Variants in GTF2F2 observed in about 807,000 individuals in gnomAD.
GTF2F2 encodes the protein ATP-dependent helicase GTF2F2.
Under a neutral mutation model 42.2 loss-of-function variants are expected in GTF2F2, and 23 were observed. The ratio of observed to expected loss-of-function variants is 0.55; its 90% confidence interval spans 0.39 to 0.77. The LOEUF is 0.77. GTF2F2 is among the 30% of genes least tolerant of loss of function. The pLI is 0.00. For synonymous variants in GTF2F2, 105 were observed against 100.8 expected (o/e 1.04, Z -0.25); for missense variants, 261 against 287.2 (o/e 0.91, Z 0.66).
At chr13:45,184,981 T>TTGTG (rs1300227535) in intron 4 of GTF2F2, among the ~76,000 whole-genome samples, 3 of 151,682 alleles carry the variant, frequency 2.0e-5, no homozygotes, top group South Asian at 4.2e-4. Context: ...CCAACTGTTT[T>TTGTG]TGTGTGTGTG....
rs917641006 is a variant in GTF2F2, at chr13:45,217,169, G to A, written c.386+9664G>A. 1.1e-4 allele frequency among the ~76,000 whole-genome samples: 16 copies of A among 151,916 alleles called. No homozygotes were observed. In the South Asian group the frequency reaches 1.2e-3, roughly 12 times the overall value. On this transcript the variant is annotated intron_variant, in intron 5 of 7. Coordinates refer to ENST00000340473, the MANE Select transcript of GTF2F2 (RefSeq NM_004128.3). ...GAAAAATTAGCTGGGCATGGTGGTG[G>A]CCACCTGTAATCCCAGCTACTCGGG...
chr13:45,264,334 T>C (rs903117358), intron 6 of GTF2F2, among the ~76,000 whole-genome samples: 4 of 151,874 alleles, frequency 2.6e-5, no homozygotes, highest in African/African-American at 9.7e-5. Context: ...GAGAGTGGAG[T>C]GTAGTGGCAC....
intron 4 of GTF2F2, among the ~76,000 whole-genome samples, chr13:45,190,183 G>A (rs1297788109): frequency 2.0e-5 from 3 of 152,116 alleles, no homozygotes; most frequent in Non-Finnish European, 4.4e-5. Context: ...AAAAAAGTGG[G>A]CAAAGGATAT....
intron 4 of GTF2F2, among the ~76,000 whole-genome samples, chr13:45,172,340 C>A (rs550924856): frequency 6.6e-6 from 1 of 152,264 alleles, no homozygotes; most frequent in Admixed American, 6.5e-5. Flanking sequence ...TTGTGTATCT[C>A]ATTTGGACAA....
chr13:45,155,491 G>A (rs1459792414), intron 4 of GTF2F2, among the ~76,000 whole-genome samples: 1 of 152,148 alleles, frequency 6.6e-6, no homozygotes, highest in Non-Finnish European at 1.5e-5. Flanking sequence ...GCTGGTTTTT[G>A]AGAGGTCTCC....
intron 1 of GTF2F2, chr13:45,123,460 T>C (rs1196853592): frequency 6.6e-6 from 1 of 152,032 alleles, no homozygotes; most frequent in African/African-American, 2.4e-5. Context: ...AAACCCTTTA[T>C]CTACAAAAAC....
intron 5 of GTF2F2, among the ~76,000 whole-genome samples, chr13:45,212,450 T>TCTTTCTTTCTTTTCTTTC (rs1272521765): frequency 3.5e-5 from 1 of 28,726 alleles, no homozygotes; most frequent in African/African-American, 1.7e-4. Flanking sequence ...CTTTCTTGTT[T>TCTTTCTTTCTTTTCTTTC]CTTTCTTTCT....
chr13:45,263,680 A>T (rs1876442761), intron 6 of GTF2F2: 1 of 152,228 alleles, frequency 6.6e-6, no homozygotes, highest in Non-Finnish European at 1.5e-5. Context: ...TAAGATTGAC[A>T]TATGCCTGTC....
At position 45,149,805 on chromosome 13, in the gene GTF2F2, G is replaced by A. The variant is rs563129984; in HGVS notation, c.159+17G>A. On this transcript the variant is annotated intron_variant, in intron 3 of 7. Transcript: ENST00000340473. The stretch of plus-strand genomic sequence containing the variant: ...AGGACTGAGGTAAGATTATTTATAT[G>A]GAAATTTTAGTTAAAACTTGAGACT... 28 of 1,487,412 alleles carry A rather than the reference G, an allele frequency of 1.9e-5. No homozygotes were observed. Among genetic ancestry groups the A allele is most frequent in the Non-Finnish European group, 2.4e-5 (27 of 1,109,550 alleles). 92.1% of individuals were successfully genotyped at this position (1,487,412 alleles called of 1,614,324 possible).
rs1354452107 is a variant in GTF2F2, at chr13:45,174,858, G to A, written c.304+23027G>A. ...CACTCAATAATTGTATACATTTATG[G>A]TACAGTATGATTTTGGTACATATGT... On this transcript the variant is annotated intron_variant, in intron 4 of 7. Transcript: ENST00000340473. Among the ~76,000 whole-genome samples, 6 of 152,014 alleles carry A rather than the reference G, an allele frequency of 3.9e-5. No individual in the cohort carries two copies. The East Asian group carries it at 9.6e-4, about 24-fold the overall frequency.
chr13:45,250,630 G>A (rs1385420559), intron 5 of GTF2F2, among the ~76,000 whole-genome samples: 2 of 152,174 alleles, frequency 1.3e-5, no homozygotes, highest in African/African-American at 4.8e-5. Context: ...TCCTTCCAGA[G>A]TCTGGCTGTG....
intron 5 of GTF2F2, among the ~76,000 whole-genome samples, chr13:45,247,456 G>A (rs143603064): frequency 0.012 from 1,890 of 151,468 alleles, 39 homozygotes; most frequent in African/African-American, 0.04. Flanking sequence ...GCAGTGGCCG[G>A]ATCTCAGCTC....
chr13:45,277,773 G>A (rs12100193), intron 7 of GTF2F2, among the ~76,000 whole-genome samples: 6 of 152,118 alleles, frequency 3.9e-5, no homozygotes, highest in Admixed American at 2.0e-4. Flanking sequence ...TCACAGAATC[G>A]ATAATGCCCT....
At chr13:45,127,360 CT>C (rs2138088389) in intron 1 of GTF2F2, among the ~76,000 whole-genome samples, 1 of 152,098 alleles carries the variant, frequency 6.6e-6, no homozygotes, top group African/African-American at 2.4e-5. Flanking sequence ...GGGTCTCACT[CT>C]GTCTCCCAGG....
chr13:45,210,559 C>T (rs1317719881), intron 5 of GTF2F2, among the ~76,000 whole-genome samples: 2 of 152,168 alleles, frequency 1.3e-5, no homozygotes, highest in African/African-American at 2.4e-5. Flanking sequence ...GTTTTCCCTC[C>T]TGCAATATAA....
In GTF2F2 at chr13:45,244,844, G is replaced by A. The variant is rs199517768; in HGVS notation, c.387-8027G>A. On this transcript the variant is annotated intron_variant, in intron 5 of 7. Coordinates refer to ENST00000340473, the MANE Select transcript of GTF2F2 (RefSeq NM_004128.3). Reference sequence around the variant, plus strand: ...AGCCACCATGCCTGGCTAATTTTTTGTATTTTTAGTAGAAACGGAGTTTCA... The same window carrying A: ...AGCCACCATGCCTGGCTAATTTTTTATATTTTTAGTAGAAACGGAGTTTCA... Among the ~76,000 whole-genome samples the A allele has an allele frequency of 3.9e-5, 6 of 152,106 alleles. No homozygotes were observed. The East Asian group carries it at 1.2e-3, about 29-fold the overall frequency.
intron 7 of GTF2F2, among the ~76,000 whole-genome samples, chr13:45,278,810 CTTTTTCTTTTTT>C: frequency 1.0e-5 from 1 of 95,302 alleles, no homozygotes; most frequent in African/African-American, 4.6e-5. Flanking sequence ...TTGCCTTTTT[CTTTTTCTTTTTT>C]TTTTTTTTTT....
intron 4 of GTF2F2, among the ~76,000 whole-genome samples, chr13:45,171,599 G>C (rs1413438053): frequency 1.3e-5 from 2 of 152,086 alleles, no homozygotes; most frequent in Non-Finnish European, 2.9e-5. Context: ...ACATTATATT[G>C]CCTTTTAAAA....
intron 5 of GTF2F2, among the ~76,000 whole-genome samples, chr13:45,242,445 A>G (rs1048816623): frequency 3.3e-5 from 5 of 151,980 alleles, no homozygotes; most frequent in African/African-American, 1.2e-4. Flanking sequence ...TTTAGAAAAT[A>G]CACATTCTTT....
Sources: gnomAD v4.1 joint callset for allele counts (sites outside exome capture counted in the v4.1 genomes callset) on GRCh38, gnomAD v4.1.1 for gene constraint, MANE v1.5 for transcripts, NCBI Gene and HGNC (gene_info 2026-07-23, HGNC 2026-07-21) for gene names.